Variants in LRP2 observed in about 807,000 individuals in gnomAD.
LRP2 encodes the protein low-density lipoprotein receptor-related protein 2.
Under a neutral mutation model 531.0 loss-of-function variants are expected in LRP2, and 172 were observed. The observed-to-expected ratio is 0.32, with a 90% CI of 0.29 to 0.37. The LOEUF is 0.37. Ranked by LOEUF, LRP2 falls within the 10% of genes least tolerant of loss-of-function variation. The pLI is 1.00. For synonymous variants in LRP2, 1,992 were observed against 2,027.6 expected, an observed-to-expected ratio of 0.98 and a Z score of 0.47; for missense variants, 5,167 against 5,868.3, an observed-to-expected ratio of 0.88 and a Z score of 3.90.
chr2:169,259,154 G>A lies in LRP2; in HGVS notation c.2384C>T (p.Ser795Leu). 6.2e-7 allele frequency: 1 copy of A among 1,613,302 alleles called. No individual in the cohort carries two copies. The highest frequency in any genetic ancestry group is 8.5e-7 in the Non-Finnish European group (1 of 1,179,560). ...NVESLAFDWI[S>L]KNLYWTDSHY... Reference sequence around the variant, plus strand: ...AGAGTCTGTCCAATAGAGATTCTTTGAAATCCAATCAAAAGCCAAACTTTC... The same window carrying A: ...AGAGTCTGTCCAATAGAGATTCTTTAAAATCCAATCAAAAGCCAAACTTTC... The change falls in exon 17 of 79, where the codon TCA becomes TTA. Residue 795 changes from serine (S) to leucine (L), a missense_variant. This residue lies in a region of LRP2 where 2,811 missense variants were observed against 3,058.0 expected (regional missense o/e 0.92). Transcript: ENST00000649046.
At chr2:169,330,034 A>C (rs970210249) in intron 1 of LRP2, among the ~76,000 whole-genome samples, 1 of 152,202 alleles carries the variant, frequency 6.6e-6, no homozygotes, top group Admixed American at 6.5e-5. Flanking sequence ...CCTTATGAGA[A>C]TCTAATGCCT....
chr2:169,209,502 A>G lies in LRP2; in HGVS notation c.6420T>C (p.His2140=), dbSNP rs374577157. ...CCCGGACTCCATTTTCTCCTATTCC[A>G]TGTGTCACAATGTTCATCAGAGAAG... The part of the protein sequence containing the change: ...DGSSLMNIVT[H]GIGENGVRGI... The change falls in exon 38 of 79, where the codon CAT becomes CAC. Residue 2140 remains histidine, a synonymous_variant. Coordinates refer to ENST00000649046, the MANE Select transcript of LRP2 (RefSeq NM_004525.3). 9.9e-6 allele frequency: 16 copies of G among 1,614,086 alleles called. No homozygotes were observed. The East Asian group carries it at 1.6e-4, about 16-fold the overall frequency.
intron 36 of LRP2, 114 bp downstream of exon 36, chr2:169,213,543 T>C: frequency 3.3e-6 from 3 of 899,688 alleles, no homozygotes; most frequent in Non-Finnish European, 5.6e-6. Context: ...GTAACTTCAA[T>C]TTGTATGCAC....
intron 31 of LRP2, 44 bp downstream of exon 31, chr2:169,231,670 T>G: frequency 6.2e-7 from 1 of 1,612,530 alleles, no homozygotes; most frequent in Non-Finnish European, 8.5e-7. Flanking sequence ...GCACAAACTA[T>G]GACCAGCTCC....
rs1349427013 is a variant in LRP2, at chr2:169,206,938, A to G, written c.6782T>C (p.Ile2261Thr). 1 of 1,614,100 alleles carries G rather than the reference A, an allele frequency of 6.2e-7. No individual in the cohort carries two copies. Among genetic ancestry groups the G allele is most frequent in the Non-Finnish European group, 8.5e-7 (1 of 1,180,044 alleles). ...TTCAGAGTTCTCTCCATTGATACGAATCCTTGCAATTATATCTAAAGAATC... is the reference window on the plus strand; with the variant it reads ...TTCAGAGTTCTCTCCATTGATACGAGTCCTTGCAATTATATCTAAAGAATC... The part of the protein sequence containing the change: ...VDDSLDIIAR[I>T]RINGENSEVI... The change falls in exon 39 of 79, where the codon ATT (isoleucine) becomes ACT (threonine). Residue 2261 changes from isoleucine (I) to threonine (T), a missense_variant. This residue lies in a region of LRP2 where 2,811 missense variants were observed against 3,058.0 expected (regional missense o/e 0.92). Coordinates refer to ENST00000649046, the MANE Select transcript of LRP2 (RefSeq NM_004525.3).
intron 50 of LRP2, among the ~76,000 whole-genome samples, chr2:169,184,834 C>G (rs1175589831): frequency 2.6e-5 from 4 of 152,086 alleles, no homozygotes; most frequent in East Asian, 3.9e-4. Flanking sequence ...TGTTCTCAGT[C>G]CCTGCAACCT....
intron 31 of LRP2, among the ~76,000 whole-genome samples, chr2:169,228,740 C>A (rs577975520): frequency 6.6e-6 from 1 of 152,216 alleles, no homozygotes. Flanking sequence ...AAGCAATGGA[C>A]CAGAGAACAG....
chr2:169,328,441 T>TAAAAAAAAA (rs537210492), intron 1 of LRP2, among the ~76,000 whole-genome samples: 27 of 48,966 alleles, frequency 5.5e-4, no homozygotes, highest in South Asian at 1.7e-3. Flanking sequence ...CGGGCCGGGA[T>TAAAAAAAAA]AAAAAAAAAA....
chr2:169,246,837 C>G lies in LRP2; in HGVS notation c.3058G>C (p.Glu1020Gln). 1 of 1,614,180 alleles carries G rather than the reference C, an allele frequency of 6.2e-7. No individual in the cohort carries two copies. Among genetic ancestry groups the G allele is most frequent in the Non-Finnish European group, 8.5e-7 (1 of 1,180,040 alleles). ...AAGCCACACTGCTCTGTGGGTGGTT[C>G]ATTGGTTGGGTCCCCCTCGCATGTC... Reference protein sequence around the residue: ...HLTCEGDPTNEPPTEQCGLFS... With the variant: ...HLTCEGDPTNQPPTEQCGLFS... The change falls in exon 21 of 79, where the codon GAA becomes CAA. Residue 1020 changes from glutamate (E) to glutamine (Q), a missense_variant. Transcript: ENST00000649046.
intron 18 of LRP2, 98 bp downstream of exon 18, chr2:169,257,026 G>T: frequency 1.4e-6 from 2 of 1,386,360 alleles, no homozygotes; most frequent in Non-Finnish European, 2.0e-6. Flanking sequence ...AGGGCAAGCA[G>T]TACCAGTTTC....
chr2:169,135,147 T>C (rs1379243685), intron 76 of LRP2, among the ~76,000 whole-genome samples: 2 of 152,132 alleles, frequency 1.3e-5, no homozygotes, highest in Non-Finnish European at 2.9e-5. Context: ...CACTAGCCAG[T>C]CTCTTAGAAC....
At chr2:169,254,639 A>G (rs1690225181) in intron 19 of LRP2, among the ~76,000 whole-genome samples, 1 of 55,746 alleles carries the variant, frequency 1.8e-5, no homozygotes, top group African/African-American at 7.1e-5. Context: ...AACTTAGAGT[A>G]TAATAAAAAA....
chr2:169,172,916 G>C (rs954895410), intron 57 of LRP2, among the ~76,000 whole-genome samples, 180 bp downstream of exon 57: 2 of 152,062 alleles, frequency 1.3e-5, no homozygotes, highest in Non-Finnish European at 2.9e-5. Context: ...AAATACCCCT[G>C]GTAACCCTGC....
chr2:169,173,880 C>T lies in LRP2; in HGVS notation c.11014+39G>A, dbSNP rs1324025155. The T allele has an allele frequency of 2.5e-6, 4 of 1,613,162 alleles. No individual in the cohort carries two copies. In the East Asian group the frequency reaches 8.9e-5, roughly 36 times the overall value. The stretch of plus-strand genomic sequence containing the variant: ...CCCATGGAAGTTTCCTCGTGTCTCC[C>T]TGCTCTGGTCATGCCTTGGTCCTCC... On this transcript the variant is annotated intron_variant, in intron 56 of 78. Coordinates refer to ENST00000649046, the MANE Select transcript of LRP2 (RefSeq NM_004525.3).
chr2:169,337,172 A>G (rs995134584), intron 1 of LRP2, among the ~76,000 whole-genome samples: 1 of 152,110 alleles, frequency 6.6e-6, no homozygotes, highest in Non-Finnish European at 1.5e-5. Context: ...TATTCACGGG[A>G]AGGTTTGAGA....
chr2:169,216,101 G>A, intron 35 of LRP2, 152 bp downstream of exon 35: 2 of 793,492 alleles, frequency 2.5e-6, no homozygotes, highest in East Asian at 2.6e-5. Flanking sequence ...GTACGTGCAA[G>A]GGAGAGAAGT....
At position 169,207,040 on chromosome 2, in the gene LRP2, A is replaced by C. The variant is rs752886502; in HGVS notation, c.6680T>G (p.Val2227Gly). 6.2e-7 allele frequency: 1 copy of C among 1,614,202 alleles called. No individual in the cohort carries two copies. Residue 2227 changes from valine (V) to glycine (G), a missense_variant, in exon 39 of 79, where the codon GTG (valine) becomes GGG (glycine). Coordinates refer to ENST00000649046, the MANE Select transcript of LRP2 (RefSeq NM_004525.3). ...RSFLDCTNRT[V>G]LVSEGIVTPR... is the part of the protein sequence containing the mutation. ...TGTGACAATGCCCTCTGACACAAGCACTGTTCGATTGGTACAGTCAAGGAA... is the reference window on the plus strand; with the variant it reads ...TGTGACAATGCCCTCTGACACAAGCCCTGTTCGATTGGTACAGTCAAGGAA...
chr2:169,138,047 C>G (rs546012884), intron 75 of LRP2, among the ~76,000 whole-genome samples: 1 of 152,102 alleles, frequency 6.6e-6, no homozygotes, highest in Non-Finnish European at 1.5e-5. Flanking sequence ...TATTATTTTA[C>G]CTGTTTTACA....
intron 5 of LRP2, 73 bp from the exon 6 acceptor site, chr2:169,294,334 A>C (rs1684081120): frequency 9.7e-6 from 9 of 925,890 alleles, no homozygotes; most frequent in Non-Finnish European, 1.6e-5. Flanking sequence ...TCTCAAAGGA[A>C]GAGCATCTCC....
Sources: gnomAD v4.1 joint callset for allele counts (sites outside exome capture counted in the v4.1 genomes callset) on GRCh38, gnomAD v4.1.1 for gene constraint, gnomAD v4.1.1 regional missense constraint, MANE v1.5 for transcripts, NCBI Gene and HGNC (gene_info 2026-07-23, HGNC 2026-07-21) for gene names.